LRMDA: variants seen among roughly 807,000 people sequenced by gnomAD.
The protein encoded by LRMDA is leucine rich melanocyte differentiation associated, also known as leucine-rich melanocyte differentiation-associated protein.
Under a neutral mutation model 29.8 loss-of-function variants are expected in LRMDA, and 18 were observed. The observed-to-expected ratio is 0.60, with a 90% CI of 0.42 to 0.90. The LOEUF (loss-of-function observed/expected upper bound fraction) is 0.90, where lower values mean the gene tolerates loss of function less well. LRMDA is among the 40% of genes least tolerant of loss of function. The pLI is 0.00. For missense variants in LRMDA, 273 were observed against 273.9 expected, an observed-to-expected ratio of 1.00 and a Z score of 0.02; for synonymous variants, 125 against 109.4, an observed-to-expected ratio of 1.14 and a Z score of -0.89.
chr10:75,947,300 A>G (rs749606486), intron 2 of LRMDA, among the ~76,000 whole-genome samples: 16 of 151,910 alleles, frequency 1.1e-4, no homozygotes, highest in South Asian at 2.1e-4. Context: ...GATTTGGGGG[A>G]TGAGTTGGCT....
intron 2 of LRMDA, among the ~76,000 whole-genome samples, chr10:75,912,070 G>A (rs1005070964): frequency 6.6e-6 from 1 of 152,138 alleles, no homozygotes; most frequent in African/African-American, 2.4e-5. Context: ...GGGTGACTTT[G>A]AGGCACAGTC....
At position 75,632,772 on chromosome 10, in the gene LRMDA, G is replaced by C. The variant is rs370513729; in HGVS notation, c.131+194278G>C. On this transcript the variant is annotated intron_variant, in intron 2 of 6. Coordinates refer to ENST00000611255, the MANE Select transcript of LRMDA (RefSeq NM_001305581.2). ...AGAGTGAGGTTAGTTTTTTTGTTTA[G>C]TTTAGTTTAGTTTTTTTTTTTTTTT... 1.8e-4 allele frequency among the ~76,000 whole-genome samples: 11 copies of C among 62,736 alleles called. No individual in the cohort carries two copies. In the South Asian group the frequency reaches 6.0e-3, roughly 34 times the overall value. 41.2% of individuals were successfully genotyped at this position (62,736 alleles called of 152,430 possible). A position where few individuals can be genotyped will look rare whatever the true frequency, so the allele number is the denominator to read the frequency against.
rs183521218 is a variant in LRMDA, at chr10:75,974,119, C to A, written c.132-61889C>A. Among the ~76,000 whole-genome samples the A allele has an allele frequency of 1.1e-3, 173 of 152,146 alleles. 1 individual carries two copies. The highest frequency in any genetic ancestry group is 0.01 in the Admixed American group (159 of 15,280). On this transcript the variant is annotated intron_variant, in intron 2 of 6. Transcript: ENST00000611255. ...CTTCTATCTGTGGTATTCCATTGTC[C>A]CCAGTTTTCTTCTTCTTTCTTCTGT...
intron 5 of LRMDA, among the ~76,000 whole-genome samples, chr10:76,158,631 A>T (rs914767669): frequency 1.2e-4 from 19 of 152,218 alleles, no homozygotes; most frequent in Admixed American, 8.5e-4. Flanking sequence ...CAACCATTAG[A>T]TTTTAAAAAT....
Position 76,376,870 on chromosome 10 carries a change from T to C in LRMDA, c.601+52385T>C. ...TTTGTTGGGCACTTGGAAGTCTTTTTTTTTTTTTTTTTTTTTTTTTTTTTT... is the reference window on the plus strand; with the variant it reads ...TTTGTTGGGCACTTGGAAGTCTTTTCTTTTTTTTTTTTTTTTTTTTTTTTT... On this transcript the variant is annotated intron_variant, in intron 6 of 6. Coordinates refer to ENST00000611255, the MANE Select transcript of LRMDA (RefSeq NM_001305581.2). Among the ~76,000 whole-genome samples the C allele has an allele frequency of 3.0e-5, 2 of 67,042 alleles. 1 individual carries two copies. The highest frequency in any genetic ancestry group is 5.4e-5 in the Non-Finnish European group (2 of 37,302). The allele number at this position is 67,042 out of a possible 152,430, so 44.0% of individuals were successfully genotyped here. A position where few individuals can be genotyped will look rare whatever the true frequency, so the allele number is the denominator to read the frequency against.
At chr10:75,676,188 G>C (rs1377588070) in intron 2 of LRMDA, among the ~76,000 whole-genome samples, 2 of 152,168 alleles carry the variant, frequency 1.3e-5, no homozygotes, top group Non-Finnish European at 2.9e-5. Flanking sequence ...TGGCTCCTGG[G>C]TGTGGCCTTA....
Position 76,276,208 on chromosome 10 carries a change from G to A in LRMDA, c.517-48193G>A, listed in dbSNP as rs192832158. Among the ~76,000 whole-genome samples the A allele has an allele frequency of 1.3e-3, 202 of 152,084 alleles. 5 individuals are homozygous for A. The South Asian group carries it at 0.026, about 20-fold the overall frequency. On this transcript the variant is annotated intron_variant, in intron 5 of 6. Coordinates refer to ENST00000611255, the MANE Select transcript of LRMDA (RefSeq NM_001305581.2). Reference sequence around the variant, plus strand: ...CAGGCTGGAGTGCAGTGATGCAATCGCGGCTAACTGTAGCCTTGAACTCTT... The same window carrying A: ...CAGGCTGGAGTGCAGTGATGCAATCACGGCTAACTGTAGCCTTGAACTCTT...
intron 2 of LRMDA, among the ~76,000 whole-genome samples, chr10:75,506,847 C>T (rs144063496): frequency 6.6e-6 from 1 of 152,294 alleles, no homozygotes; most frequent in African/African-American, 2.4e-5. Context: ...GTGGGAGGTT[C>T]TCTCTTCACC....
chr10:75,508,558 A>AT (rs1317894803), intron 2 of LRMDA, among the ~76,000 whole-genome samples: 1 of 152,182 alleles, frequency 6.6e-6, no homozygotes, highest in Admixed American at 6.5e-5. Flanking sequence ...GCCAGACATC[A>AT]TTTTAATGGT....
intron 5 of LRMDA, among the ~76,000 whole-genome samples, chr10:76,124,575 G>T (rs1383732140): frequency 6.6e-6 from 1 of 152,212 alleles, no homozygotes; most frequent in South Asian, 2.1e-4. Context: ...AAAGAATCCT[G>T]GTCTTCCTGG....
intron 5 of LRMDA, among the ~76,000 whole-genome samples, chr10:76,089,968 A>C (rs1404175767): frequency 6.6e-6 from 1 of 152,224 alleles, no homozygotes; most frequent in Non-Finnish European, 1.5e-5. Context: ...TTTCAGATTT[A>C]GAACAGCAAA....
At chr10:75,483,866 G>GGTTTTTT (rs1554893487) in intron 2 of LRMDA, among the ~76,000 whole-genome samples, 1 of 23,948 alleles carries the variant, frequency 4.2e-5, no homozygotes, top group Non-Finnish European at 1.1e-4. Flanking sequence ...AGTATGGAGA[G>GGTTTTTT]GTTTTTTTTT....
At chr10:75,562,654 G>A (rs1840313924) in intron 2 of LRMDA, among the ~76,000 whole-genome samples, 2 of 152,100 alleles carry the variant, frequency 1.3e-5, no homozygotes, top group South Asian at 4.1e-4. Context: ...GCATGATTTT[G>A]CAGTGGCTGG....
intron 6 of LRMDA, among the ~76,000 whole-genome samples, chr10:76,468,123 G>A (rs1457047006): frequency 7.3e-6 from 1 of 137,500 alleles, no homozygotes; most frequent in Non-Finnish European, 1.7e-5. Context: ...GGATTAAATC[G>A]CTGTAGACTG....
chr10:75,495,926 G>A (rs1038682829), intron 2 of LRMDA, among the ~76,000 whole-genome samples: 4 of 152,216 alleles, frequency 2.6e-5, no homozygotes, highest in African/African-American at 9.6e-5. Context: ...GGATGATGTT[G>A]CAGATGACAT....
intron 2 of LRMDA, among the ~76,000 whole-genome samples, chr10:75,447,216 G>T (rs1246480361): frequency 6.6e-6 from 1 of 152,126 alleles, no homozygotes; most frequent in African/African-American, 2.4e-5. Flanking sequence ...AAATATTTTT[G>T]TTCCAAGAAT....
intron 2 of LRMDA, among the ~76,000 whole-genome samples, chr10:75,601,516 TTTTTGTTTTG>T (rs1159329476): frequency 1.3e-5 from 2 of 151,550 alleles, no homozygotes; most frequent in African/African-American, 4.9e-5. Flanking sequence ...GGGAAAAGAG[TTTTTGTTTTG>T]TTTTGTTTTG....
At chr10:76,416,176 T>A (rs1842012360) in intron 6 of LRMDA, among the ~76,000 whole-genome samples, 1 of 152,180 alleles carries the variant, frequency 6.6e-6, no homozygotes, top group Non-Finnish European at 1.5e-5. Context: ...GGCAGAACTC[T>A]ACAAGGCAGG....
intron 5 of LRMDA, among the ~76,000 whole-genome samples, chr10:76,295,236 C>A (rs1194681945): frequency 6.6e-6 from 1 of 152,106 alleles, no homozygotes; most frequent in Non-Finnish European, 1.5e-5. Context: ...TTCTTCCTTA[C>A]AAAGATGTGG....
Sources: allele counts gnomAD v4.1 joint callset (sites outside exome capture counted in the v4.1 genomes callset), GRCh38; gene constraint gnomAD v4.1.1; transcripts MANE v1.5; gene names NCBI Gene and HGNC (gene_info 2026-07-23, HGNC 2026-07-21).